DISC1: variants seen among roughly 807,000 people sequenced by gnomAD.
DISC1 encodes disrupted in schizophrenia 1 protein.
Under a neutral mutation model 84.5 loss-of-function variants are expected in DISC1, and 57 were observed. The observed-to-expected ratio is 0.67, with a 90% CI of 0.55 to 0.84. The LOEUF (loss-of-function observed/expected upper bound fraction) is 0.84, where lower values mean the gene tolerates loss of function less well. DISC1 is among the 40% of genes least tolerant of loss of function. The pLI, the probability that DISC1 is intolerant of heterozygous loss-of-function variation, is 0.00. For synonymous variants in DISC1, 411 were observed against 415.2 expected (o/e 0.99, Z 0.12); for missense variants, 1,000 against 1,057.8 (o/e 0.95, Z 0.76).
At chr1:231,655,719 GTA>G in intron 1 of DISC1, among the ~76,000 whole-genome samples, 1 of 152,072 alleles carries the variant, frequency 6.6e-6, no homozygotes, top group African/African-American at 2.4e-5. Context: ...ACCACCAGAA[GTA>G]TATAAGCTTT....
intron 9 of DISC1, among the ~76,000 whole-genome samples, chr1:231,830,336 A>G (rs915066481): frequency 6.6e-6 from 1 of 152,168 alleles, no homozygotes; most frequent in Non-Finnish European, 1.5e-5. Context: ...GATGGCCTGG[A>G]TATGGTTTTG....
intron 3 of DISC1, among the ~76,000 whole-genome samples, chr1:231,740,778 GT>G (rs1208844969): frequency 6.6e-6 from 1 of 152,150 alleles, no homozygotes; most frequent in African/African-American, 2.4e-5. Context: ...ATAGTCTGAA[GT>G]TAACGCTATG....
chr1:231,845,009 G>A (rs1429633338), intron 9 of DISC1, among the ~76,000 whole-genome samples: 2 of 152,062 alleles, frequency 1.3e-5, no homozygotes, highest in Non-Finnish European at 2.9e-5. Flanking sequence ...AAGGGGTTGT[G>A]CAGACCAAAG....
intron 3 of DISC1, among the ~76,000 whole-genome samples, chr1:231,731,144 G>A (rs1056677294): frequency 6.6e-6 from 1 of 152,154 alleles, no homozygotes; most frequent in African/African-American, 2.4e-5. Context: ...AGGATATTCT[G>A]TTGTAGCCCA....
chr1:231,857,819 G>A (rs548880156), intron 9 of DISC1, among the ~76,000 whole-genome samples: 2 of 152,324 alleles, frequency 1.3e-5, no homozygotes, highest in South Asian at 4.1e-4. Flanking sequence ...TGGCCGCTTA[G>A]TGCATTCAAG....
At chr1:231,786,377 G>A (rs982307435) in intron 6 of DISC1, among the ~76,000 whole-genome samples, 2 of 152,164 alleles carry the variant, frequency 1.3e-5, no homozygotes, top group African/African-American at 2.4e-5. Context: ...TCTAAGTGTC[G>A]TTAATATTCT....
chr1:231,974,303 T>C (rs1342162717), intron 10 of DISC1, among the ~76,000 whole-genome samples: 1 of 152,152 alleles, frequency 6.6e-6, no homozygotes, highest in Non-Finnish European at 1.5e-5. Context: ...ATAACAAATA[T>C]GCCGAAATAT....
intron 9 of DISC1, among the ~76,000 whole-genome samples, chr1:231,891,965 C>T (rs1362970196): frequency 2.0e-5 from 3 of 151,974 alleles, no homozygotes. Context: ...CTGAGTCAGC[C>T]GATCAGGTGA....
At chr1:231,743,996 C>G (rs2073662080) in intron 3 of DISC1, among the ~76,000 whole-genome samples, 2 of 152,130 alleles carry the variant, frequency 1.3e-5, no homozygotes, top group South Asian at 2.1e-4. Flanking sequence ...ACTCATGTTA[C>G]TCTCTGCTGG....
intron 10 of DISC1, among the ~76,000 whole-genome samples, chr1:231,992,429 GT>G (rs1202248082): frequency 6.6e-6 from 1 of 152,054 alleles, no homozygotes; most frequent in Non-Finnish European, 1.5e-5. Flanking sequence ...CATGCAACGT[GT>G]TAGAAATATT....
At position 231,985,336 on chromosome 1, in the gene DISC1, CAAA is replaced by C. The variant is rs59619547; in HGVS notation, c.2043-23432_2043-23430del. On this transcript the variant is annotated intron_variant, in intron 10 of 12. Coordinates refer to ENST00000439617, the MANE Select transcript of DISC1 (RefSeq NM_018662.3). Reference sequence around the variant, plus strand: ...AGTGAAACTCCATCCCCCCACCCACCAAAAAAAAAAAAAAAAAAAGAAAGAAAA... The same window carrying C: ...AGTGAAACTCCATCCCCCCACCCACCAAAAAAAAAAAAAAAAGAAAGAAAA... Among the ~76,000 whole-genome samples the C allele has an allele frequency of 9.9e-3, 988 of 99,684 alleles. 16 individuals are homozygous for C. Among genetic ancestry groups the C allele is most frequent in the African/African-American group, 0.029 (850 of 29,024 alleles). The allele number at this position is 99,684 out of a possible 152,430, so 65.4% of individuals were successfully genotyped here.
chr1:232,006,691 G>A (rs821607), intron 10 of DISC1, among the ~76,000 whole-genome samples: 72,853 of 152,012 alleles, frequency 0.48, 20,253 homozygotes, highest in African/African-American at 0.78. Context: ...TGATGATACA[G>A]TAGAAAAGAA....
intron 1 of DISC1, among the ~76,000 whole-genome samples, chr1:231,644,546 G>A (rs1192448763): frequency 6.6e-6 from 1 of 152,158 alleles, no homozygotes; most frequent in African/African-American, 2.4e-5. Flanking sequence ...GAAGGGGTGA[G>A]TTGGAACATC....
intron 1 of DISC1, among the ~76,000 whole-genome samples, chr1:231,674,429 T>C (rs2062940207): frequency 6.6e-6 from 1 of 152,246 alleles, no homozygotes; most frequent in African/African-American, 2.4e-5. Flanking sequence ...ATGCTATCAA[T>C]TGTAGAAAGT....
At chr1:231,643,199 T>C (rs2059866608) in intron 1 of DISC1, among the ~76,000 whole-genome samples, 1 of 152,186 alleles carries the variant, frequency 6.6e-6, no homozygotes, top group African/African-American at 2.4e-5. Context: ...TCTTGTTCCC[T>C]GGAACCCCGA....
chr1:231,901,632 G>A (rs901059422), intron 9 of DISC1, among the ~76,000 whole-genome samples: 7 of 152,182 alleles, frequency 4.6e-5, no homozygotes, highest in African/African-American at 7.2e-5. Flanking sequence ...GACAAATTGT[G>A]TGGTAGTTAT....
chr1:231,864,022 A>G (rs181395097), intron 9 of DISC1, among the ~76,000 whole-genome samples: 272 of 152,320 alleles, frequency 1.8e-3, no homozygotes, highest in African/African-American at 6.3e-3. Context: ...CTGGTACTAT[A>G]GACTTTTTTT....
At position 232,009,014 on chromosome 1, in the gene DISC1, C is replaced by A; in HGVS notation, c.2272C>A (p.Pro758Thr). The A allele has an allele frequency of 6.2e-7, 1 of 1,613,874 alleles. No homozygotes were observed. The highest frequency in any genetic ancestry group is 8.5e-7 in the Non-Finnish European group (1 of 1,179,828). The stretch of plus-strand genomic sequence containing the variant: ...GGAAGAATGGAAGACTCACCTCATC[C>A]CCTCTCTGCACTGTGCTGGAGGTGA... ...VLEEWKTHLI[P>T]SLHCAGGEQK... The change falls in exon 11 of 13, where the codon CCC becomes ACC. Residue 758 changes from proline (P) to threonine (T), a missense_variant. Physicochemically the swap from Pro to Thr is conservative, Grantham distance 38 (BLOSUM62 -1). Coordinates refer to ENST00000439617, the MANE Select transcript of DISC1 (RefSeq NM_018662.3). This position sits in a 1 kb window ranked among gnomAD's most constrained non-coding sequence, Gnocchi z 4.6.
Position 231,954,768 on chromosome 1 carries a change from T to G in DISC1, c.1982-4060T>G, listed in dbSNP as rs1230171390. Among the ~76,000 whole-genome samples the G allele has an allele frequency of 6.6e-6, 1 of 152,248 alleles. No individual in the cohort carries two copies. The highest frequency in any genetic ancestry group is 1.5e-5 in the Non-Finnish European group (1 of 68,054). On this transcript the variant is annotated intron_variant, in intron 9 of 12. Transcript: ENST00000439617. This position sits in a 1 kb window ranked among gnomAD's most constrained non-coding sequence, Gnocchi z 4.8. ...TCAGCGTGTCTGTGGCTGTATTGAT[T>G]CGGAAGTTTAAAATCTAAACTCCCT...
Sources: allele counts gnomAD v4.1 joint callset (sites outside exome capture counted in the v4.1 genomes callset), GRCh38; gene constraint gnomAD v4.1.1; non-coding constraint Gnocchi (gnomAD v3.1); transcripts MANE v1.5; gene names NCBI Gene and HGNC (gene_info 2026-07-23, HGNC 2026-07-21).